The following DCDC2 variants were observed in gnomAD, a reference collection of about 807,000 sequenced individuals.
DCDC2 encodes the protein doublecortin domain containing 2.
DCDC2 carries 40 observed loss-of-function variants against 50.2 expected under a neutral mutation model. That is an observed-to-expected ratio of 0.80 (90% CI 0.62 to 1.04). The LOEUF (loss-of-function observed/expected upper bound fraction) is 1.04, where lower values mean the gene tolerates loss of function less well. Among genes scored for constraint, DCDC2 ranks in the 50% least tolerant of loss-of-function variants. DCDC2 has a pLI of 0.00. For missense variants in DCDC2, 570 were observed against 581.9 expected (o/e 0.98, Z 0.21); for synonymous variants, 234 against 210.6 (o/e 1.11, Z -0.96).
At chr6:24,373,973 T>C in the DCDC2 span, among the ~76,000 whole-genome samples, 1 of 151,754 alleles carries the variant, frequency 6.6e-6, no homozygotes, top group Non-Finnish European at 1.5e-5. Flanking sequence ...CCATCCTGGC[T>C]AACACAGTGA....
At chr6:24,246,494 T>TTC (rs1410700698) in intron 7 of DCDC2, among the ~76,000 whole-genome samples, 1 of 133,050 alleles carries the variant, frequency 7.5e-6, no homozygotes, top group Non-Finnish European at 1.6e-5. Context: ...TTTTTTTTTT[T>TTC]TTTTTTTTTT....
intron 7 of DCDC2, among the ~76,000 whole-genome samples, chr6:24,213,363 T>C (rs1761918173): frequency 6.6e-6 from 1 of 152,160 alleles, no homozygotes; most frequent in African/African-American, 2.4e-5. Context: ...AAAGTGTTAA[T>C]TTTTAAAAGT....
chr6:24,267,014 T>C (rs1230091894), intron 7 of DCDC2, among the ~76,000 whole-genome samples: 1 of 152,180 alleles, frequency 6.6e-6, no homozygotes, highest in Non-Finnish European at 1.5e-5. Context: ...TCAACATGGA[T>C]GGAACTGGAG....
At chr6:24,215,882 T>C (rs1394265572) in intron 7 of DCDC2, among the ~76,000 whole-genome samples, 1 of 152,190 alleles carries the variant, frequency 6.6e-6, no homozygotes, top group African/African-American at 2.4e-5. Context: ...AATACTTGTA[T>C]TGGCAGGACT....
intron 7 of DCDC2, among the ~76,000 whole-genome samples, chr6:24,277,312 G>A (rs984860358): frequency 6.6e-6 from 1 of 152,104 alleles, no homozygotes; most frequent in Non-Finnish European, 1.5e-5. Flanking sequence ...GGCAAGAGGA[G>A]CAGGAGTCAT....
chr6:24,362,546 A>C (rs1010135070), upstream of DCDC2, among the ~76,000 whole-genome samples: 18 of 149,484 alleles, frequency 1.2e-4, no homozygotes, highest in African/African-American at 4.2e-4. Context: ...ATTATTTTTT[A>C]TTTAATCGTA....
intron 2 of DCDC2, among the ~76,000 whole-genome samples, chr6:24,343,212 T>A (rs1425588105): frequency 6.6e-6 from 1 of 152,080 alleles, no homozygotes; most frequent in Non-Finnish European, 1.5e-5. Flanking sequence ...CATGCCCAGC[T>A]AATTTTTTGT....
rs1204180748 is a variant in DCDC2, at chr6:24,172,859, G to C, written c.*1871C>G. 1 of 152,046 alleles carries C rather than the reference G, an allele frequency of 6.6e-6. No individual in the cohort carries two copies. Among genetic ancestry groups the C allele is most frequent in the African/African-American group, 2.4e-5 (1 of 41,380 alleles). 9.4% of individuals were successfully genotyped at this position (152,046 alleles called of 1,614,324 possible). A position where few individuals can be genotyped will look rare whatever the true frequency, so the allele number is the denominator to read the frequency against. ...AAAATACAAAAATTAGCCAGGTGTG[G>C]TGGCAGATGCCTGTAATCCCAGCTA... On this transcript the variant is annotated 3_prime_UTR_variant, in exon 10 of 10. Transcript: ENST00000378454.
At chr6:24,381,236 T>C in the DCDC2 span, among the ~76,000 whole-genome samples, 1 of 152,226 alleles carries the variant, frequency 6.6e-6, no homozygotes, top group Non-Finnish European at 1.5e-5. Context: ...CATTTGTATG[T>C]GTGGTGAGAA....
At chr6:24,251,546 C>A (rs866566010) in intron 7 of DCDC2, among the ~76,000 whole-genome samples, 1 of 152,136 alleles carries the variant, frequency 6.6e-6, no homozygotes, top group African/African-American at 2.4e-5. Flanking sequence ...CCTCCTGACA[C>A]CTGTGCTCTT....
chr6:24,187,308 A>G (rs1761226790), intron 8 of DCDC2, among the ~76,000 whole-genome samples: 1 of 152,136 alleles, frequency 6.6e-6, no homozygotes, highest in Non-Finnish European at 1.5e-5. Context: ...AACTGAAAAG[A>G]GCCCTGGGCC....
At chr6:24,380,624 A>G in the DCDC2 span, among the ~76,000 whole-genome samples, 1 of 152,198 alleles carries the variant, frequency 6.6e-6, no homozygotes, top group Non-Finnish European at 1.5e-5. Context: ...AATTTTTATC[A>G]TAGATTTGTT....
intron 2 of DCDC2, 48 bp from the exon 3 acceptor site, chr6:24,302,092 C>G (rs1759389202): frequency 6.7e-7 from 1 of 1,493,774 alleles, no homozygotes; most frequent in Admixed American, 2.1e-5. Flanking sequence ...CTTATATTAG[C>G]TTTTTTTTTC....
At chr6:24,248,191 T>C (rs1762725057) in intron 7 of DCDC2, among the ~76,000 whole-genome samples, 1 of 152,250 alleles carries the variant, frequency 6.6e-6, no homozygotes, top group Non-Finnish European at 1.5e-5. Context: ...GTTGTGGGCA[T>C]TAAATGAAAA....
chr6:24,254,114 G>A (rs1762847848), intron 7 of DCDC2, among the ~76,000 whole-genome samples: 1 of 152,096 alleles, frequency 6.6e-6, no homozygotes, highest in Admixed American at 6.5e-5. Context: ...CTACACAAGG[G>A]CTGGATCATC....
At chr6:24,241,392 T>C (rs189170658) in intron 7 of DCDC2, among the ~76,000 whole-genome samples, 38 of 152,348 alleles carry the variant, frequency 2.5e-4, no homozygotes, top group Non-Finnish European at 3.7e-4. Flanking sequence ...TATGTTTCAA[T>C]ATTAGGTCTC....
chr6:24,351,909 G>C (rs1561784904), intron 2 of DCDC2, among the ~76,000 whole-genome samples: 1 of 152,148 alleles, frequency 6.6e-6, no homozygotes, highest in African/African-American at 2.4e-5. Context: ...TTCAAGACCA[G>C]CCTGACCAAC....
At chr6:24,257,613 A>G (rs1009237030) in intron 7 of DCDC2, among the ~76,000 whole-genome samples, 1 of 152,162 alleles carries the variant, frequency 6.6e-6, no homozygotes, top group Non-Finnish European at 1.5e-5. Context: ...GACAGCTGCA[A>G]AGAGACATAC....
intron 4 of DCDC2, among the ~76,000 whole-genome samples, chr6:24,299,266 A>C (rs552835599): frequency 6.6e-6 from 1 of 152,272 alleles, no homozygotes; most frequent in African/African-American, 2.4e-5. Context: ...TATTCTCACT[A>C]GTAAGTGGGA....
Sources: allele counts gnomAD v4.1 joint callset (sites outside exome capture counted in the v4.1 genomes callset), GRCh38; gene constraint gnomAD v4.1.1; transcripts MANE v1.5; gene names NCBI Gene and HGNC (gene_info 2026-07-23, HGNC 2026-07-21).